Variants in PLBD1 observed in about 807,000 individuals in gnomAD.
PLBD1 encodes phospholipase B domain containing 1.
PLBD1 carries 60 observed loss-of-function variants against 63.0 expected under a neutral mutation model. The ratio of observed to expected loss-of-function variants is 0.95; its 90% CI spans 0.77 to 1.18. PLBD1 has a LOEUF of 1.18. Among genes scored for constraint, PLBD1 ranks in the 50% most tolerant of loss-of-function variants. PLBD1 has a pLI of 0.00. For missense variants in PLBD1, 598 were observed against 677.9 expected, an observed-to-expected ratio of 0.88 and a Z score of 1.31; for synonymous variants, 262 against 248.0, an observed-to-expected ratio of 1.06 and a Z score of -0.53.
intron 1 of PLBD1, among the ~76,000 whole-genome samples, chr12:14,556,016 G>C (rs939847835): frequency 6.6e-6 from 1 of 152,212 alleles, no homozygotes; most frequent in Non-Finnish European, 1.5e-5. Context: ...TAGGAAGAAA[G>C]AGAAAGAAAC....
intron 2 of PLBD1, among the ~76,000 whole-genome samples, chr12:14,551,563 A>G (rs1945659916): frequency 6.6e-6 from 1 of 152,184 alleles, no homozygotes; most frequent in Non-Finnish European, 1.5e-5. Flanking sequence ...TTTTTTTCTG[A>G]GACATAAGAA....
chr12:14,561,004 T>C (rs540407286), intron 1 of PLBD1, among the ~76,000 whole-genome samples: 2 of 151,926 alleles, frequency 1.3e-5, no homozygotes, highest in African/African-American at 4.8e-5. Context: ...CTGCATGTGC[T>C]CCAGGACTAA....
At chr12:14,517,935 C>T (rs909691643) in intron 6 of PLBD1, among the ~76,000 whole-genome samples, 2 of 152,182 alleles carry the variant, frequency 1.3e-5, no homozygotes, top group Non-Finnish European at 2.9e-5. Context: ...AATTCCAGCA[C>T]TTTGGGAGGC....
chr12:14,554,241 A>G (rs1178379605), intron 1 of PLBD1: 1 of 151,860 alleles, frequency 6.6e-6, no homozygotes, highest in African/African-American at 2.4e-5. Flanking sequence ...ATTCTGGTTC[A>G]CCTCCATTCT....
intron 1 of PLBD1, chr12:14,553,633 T>G (rs1945678212): frequency 1.7e-6 from 1 of 582,126 alleles, no homozygotes; most frequent in East Asian, 2.9e-5. Flanking sequence ...AGGTCAAAGG[T>G]GGGGGTGTAG....
chr12:14,526,319 C>G (rs932506322), intron 6 of PLBD1, among the ~76,000 whole-genome samples: 70 of 152,140 alleles, frequency 4.6e-4, no homozygotes, highest in African/African-American at 1.7e-3. Context: ...TTTGTGCTAA[C>G]AAATTAAAAT....
chr12:14,567,760 G>A lies in PLBD1; in HGVS notation c.-64C>T. ...GCCGCGGTGGCCCGCGGTGGCAGAA[G>A]TTGCAAGAGAGGCTCCTGGCCTACT... On this transcript the variant is annotated 5_prime_UTR_variant, in exon 1 of 11. Transcript: ENST00000240617. 3 of 1,381,700 alleles carry A rather than the reference G, an allele frequency of 2.2e-6. No homozygotes were observed. The South Asian group carries it at 5.0e-5, about 23-fold the overall frequency. The allele number at this position is 1,381,700 out of a possible 1,614,324, so 85.6% of individuals were successfully genotyped here. A position where few individuals can be genotyped will look rare whatever the true frequency, so the allele number is the denominator to read the frequency against.
intron 5 of PLBD1, chr12:14,536,258 C>A: frequency 3.4e-6 from 1 of 292,148 alleles, no homozygotes. Context: ...AAGCTCACAC[C>A]ACTGCACTCC....
At chr12:14,543,231 A>G (rs1368456369) in intron 2 of PLBD1, among the ~76,000 whole-genome samples, 1 of 152,066 alleles carries the variant, frequency 6.6e-6, no homozygotes, top group East Asian at 1.9e-4. Flanking sequence ...AAACCTATAG[A>G]ATGTATTTTT....
intron 6 of PLBD1, among the ~76,000 whole-genome samples, chr12:14,529,592 A>T (rs1396319026): frequency 2.0e-5 from 3 of 152,222 alleles, no homozygotes; most frequent in Non-Finnish European, 2.9e-5. Flanking sequence ...TGATAAAAAT[A>T]TTAAAGAAAG....
At chr12:14,524,728 C>G (rs370748621) in intron 6 of PLBD1, among the ~76,000 whole-genome samples, 1 of 152,062 alleles carries the variant, frequency 6.6e-6, no homozygotes, top group Non-Finnish European at 1.5e-5. Context: ...AAGGTACGAC[C>G]CCACACTTAA....
chr12:14,521,449 C>A lies in PLBD1; in HGVS notation c.845-9738G>T, dbSNP rs1316919175. On this transcript the variant is annotated intron_variant, in intron 6 of 10. Coordinates refer to ENST00000240617, the MANE Select transcript of PLBD1 (RefSeq NM_024829.6). ...ATGAAACAAACTGGCACCCTTGCCA[C>A]AAGCAGAAAAGCCATGCATATGATT... Among the ~76,000 whole-genome samples, 10 of 152,154 alleles carry A rather than the reference C, an allele frequency of 6.6e-5. No individual in the cohort carries two copies. The South Asian group carries it at 1.0e-3, about 16-fold the overall frequency.
intron 6 of PLBD1, chr12:14,533,347 T>A (rs1035845080): frequency 6.6e-6 from 1 of 152,212 alleles, no homozygotes; most frequent in African/African-American, 2.4e-5. Flanking sequence ...TAAAAATGTT[T>A]TGGGGTATAT....
chr12:14,547,752 G>A lies in PLBD1; in HGVS notation c.335+5441C>T, dbSNP rs188478681. On this transcript the variant is annotated intron_variant, in intron 2 of 10. Transcript: ENST00000240617. ...CATGATGGCAATAACACATCATTTAGCACCTGTCATGTACTACCTCCTACG... is the reference window on the plus strand; with the variant it reads ...CATGATGGCAATAACACATCATTTAACACCTGTCATGTACTACCTCCTACG... 2.0e-5 allele frequency among the ~76,000 whole-genome samples: 3 copies of A among 152,192 alleles called. No homozygotes were observed. The East Asian group carries it at 5.8e-4, about 29-fold the overall frequency.
rs1378721305 is a variant in PLBD1 at position 14,567,595 on chromosome 12, C to T, written c.102G>A (p.Pro34=). Residue 34 remains proline, a synonymous_variant, in exon 1 of 11, where the codon CCG becomes CCA. Transcript: ENST00000240617. ...LLPLLLVTAE[P]PKPAGVYYAT... ...CGCTCTGCTCACCTGCAGGTTTCGGCGGCTCCGCGGTGACTAACAACAGCG... is the reference window on the plus strand; with the variant it reads ...CGCTCTGCTCACCTGCAGGTTTCGGTGGCTCCGCGGTGACTAACAACAGCG... 1.3e-6 allele frequency: 2 copies of T among 1,500,530 alleles called. No individual in the cohort carries two copies. Among genetic ancestry groups the T allele is most frequent in the South Asian group, 2.5e-5 (2 of 81,362 alleles). The allele number at this position is 1,500,530 out of a possible 1,614,324, so 93.0% of individuals were successfully genotyped here. A position where few individuals can be genotyped will look rare whatever the true frequency, so the allele number is the denominator to read the frequency against.
chr12:14,535,592 T>C lies in PLBD1; in HGVS notation c.844+67A>G, dbSNP rs1945506097. ...TTTCTTCTCCCATTGCAGTTAACAC[T>C]GAATCACTAAGGTTTTATCCAGGAA... On this transcript the variant is annotated intron_variant, in intron 6 of 10. Transcript: ENST00000240617. 4 of 1,539,320 alleles carry C rather than the reference T, an allele frequency of 2.6e-6. No individual in the cohort carries two copies. In the Admixed American group the frequency reaches 5.2e-5, roughly 20 times the overall value.
At chr12:14,544,613 G>GT (rs1397029694) in intron 2 of PLBD1, among the ~76,000 whole-genome samples, 38 of 152,180 alleles carry the variant, frequency 2.5e-4, no homozygotes, top group Non-Finnish European at 4.4e-4. Flanking sequence ...TCTAATAACA[G>GT]TTTTTTCATA....
intron 6 of PLBD1, among the ~76,000 whole-genome samples, chr12:14,525,711 ACACG>A (rs1455404815): frequency 4.0e-4 from 8 of 19,832 alleles, no homozygotes; most frequent in South Asian, 3.9e-3. Context: ...ACACACACAC[ACACG>A]CACACACACA....
At chr12:14,541,868 C>T (rs1026648839) in intron 3 of PLBD1, among the ~76,000 whole-genome samples, 4 of 152,030 alleles carry the variant, frequency 2.6e-5, no homozygotes, top group African/African-American at 4.8e-5. Flanking sequence ...TCTTAAAGAG[C>T]GAGGAGAGGG....
Sources: allele counts gnomAD v4.1 joint callset (sites outside exome capture counted in the v4.1 genomes callset), GRCh38; gene constraint gnomAD v4.1.1; transcripts MANE v1.5; gene names NCBI Gene and HGNC (gene_info 2026-07-23, HGNC 2026-07-21).